Variants in CRIM1 observed in about 807,000 individuals in gnomAD.
CRIM1 encodes the protein cysteine rich transmembrane BMP regulator 1, also known as cysteine-rich motor neuron 1 protein.
CRIM1 carries 32 observed loss-of-function variants against 116.4 expected under a neutral mutation model. That is an observed-to-expected ratio of 0.27 (90% CI 0.21 to 0.37). The LOEUF (loss-of-function observed/expected upper bound fraction) is 0.37. Ranked by LOEUF, CRIM1 falls within the 10% of genes least tolerant of loss-of-function variation. The probability of loss-of-function intolerance (pLI) is 1.00; values close to 1 mark genes in which losing one functional copy is unlikely to be tolerated. For synonymous variants in CRIM1, 590 were observed against 509.2 expected (o/e 1.16, Z -2.13); for missense variants, 1,331 against 1,354.8 (o/e 0.98, Z 0.28).
At chr2:36,391,664 C>G (rs1671614282) in intron 1 of CRIM1, among the ~76,000 whole-genome samples, 1 of 152,144 alleles carries the variant, frequency 6.6e-6, no homozygotes, top group Admixed American at 6.5e-5. Context: ...AACAGCAGTT[C>G]TCAAAGTGTG....
Position 36,355,904 on chromosome 2 carries a change from CGGA to C in CRIM1, c.-381_-379del, listed in dbSNP as rs1250413943. The C allele has an allele frequency of 6.6e-6, 1 of 151,518 alleles. No individual in the cohort carries two copies. The highest frequency in any genetic ancestry group is 6.6e-5 in the Admixed American group (1 of 15,190). 9.4% of individuals were successfully genotyped at this position (151,518 alleles called of 1,614,324 possible). On this transcript the variant is annotated 5_prime_UTR_variant, in exon 1 of 17. Coordinates refer to ENST00000280527, the MANE Select transcript of CRIM1 (RefSeq NM_016441.3). ...TGCGCCGCTGCGGGGCCGGCCGACT[CGGA>C]GGAGGAGAGGGAGGAGGCGCCGCCG...
Position 36,479,591 on chromosome 2 carries a change from C to G in CRIM1, c.1269C>G (p.Phe423Leu), listed in dbSNP as rs941069110. Reference protein sequence around the residue: ...GDRWREDDCTFCQCVNGERHC... With the variant: ...GDRWREDDCTLCQCVNGERHC... The stretch of plus-strand genomic sequence containing the variant: ...GGTGGCGGGAAGACGACTGCACATT[C>G]TGCCAGTGCGTCAACGGTGAACGCC... Residue 423 changes from phenylalanine (F) to leucine (L), a missense_variant, in exon 7 of 17, where the codon TTC becomes TTG. Around this residue, in one of 3 missense-constraint regions of CRIM1, gnomAD observed 690 missense variants for 676.0 expected, o/e 1.02. Coordinates refer to ENST00000280527, the MANE Select transcript of CRIM1 (RefSeq NM_016441.3). 4.3e-6 allele frequency: 7 copies of G among 1,614,142 alleles called. No individual in the cohort carries two copies. Among genetic ancestry groups the G allele is most frequent in the African/African-American group, 2.7e-5 (2 of 74,944 alleles).
chr2:36,433,211 T>C (rs914007314), intron 2 of CRIM1, among the ~76,000 whole-genome samples: 28 of 149,090 alleles, frequency 1.9e-4, no homozygotes, highest in African/African-American at 6.6e-4. Context: ...AGGTCTAAGT[T>C]TCTGCATTTC....
chr2:36,547,624 G>A (rs927843130), intron 16 of CRIM1, among the ~76,000 whole-genome samples: 2 of 152,112 alleles, frequency 1.3e-5, no homozygotes, highest in Admixed American at 6.6e-5. Context: ...AAGGCAAAAG[G>A]AACAGGTCAG....
At chr2:36,510,282 C>A (rs995126353) in intron 9 of CRIM1, 143 bp downstream of exon 9, 120 of 749,972 alleles carry the variant, frequency 1.6e-4, no homozygotes, top group Middle Eastern at 5.8e-4. Context: ...TTAGGTGATT[C>A]AGAAAGCAGG....
intron 1 of CRIM1, among the ~76,000 whole-genome samples, chr2:36,363,176 G>A (rs1669341156): frequency 2.0e-5 from 3 of 150,630 alleles, no homozygotes; most frequent in South Asian, 4.3e-4. Flanking sequence ...CTCCAGCCTG[G>A]GCGACAAAGC....
At chr2:36,387,503 G>C (rs1671253501) in intron 1 of CRIM1, among the ~76,000 whole-genome samples, 1 of 152,156 alleles carries the variant, frequency 6.6e-6, no homozygotes, top group African/African-American at 2.4e-5. Context: ...GCACAAACAT[G>C]GAACAGGGGA....
intron 16 of CRIM1, among the ~76,000 whole-genome samples, chr2:36,547,933 T>C (rs971626329): frequency 2.0e-5 from 3 of 152,242 alleles, no homozygotes; most frequent in African/African-American, 7.2e-5. Context: ...AATTATGTAA[T>C]GTAATTTACC....
rs1301545563 is a variant in CRIM1 at position 36,549,278 on chromosome 2, C to A, written c.*577C>A. 5 of 152,740 alleles carry A rather than the reference C, an allele frequency of 3.3e-5. No homozygotes were observed. Among genetic ancestry groups the A allele is most frequent in the African/African-American group, 1.2e-4 (5 of 41,452 alleles). The allele number at this position is 152,740 out of a possible 1,614,324, so 9.5% of individuals were successfully genotyped here. On this transcript the variant is annotated 3_prime_UTR_variant, in exon 17 of 17. Transcript: ENST00000280527. The stretch of plus-strand genomic sequence containing the variant: ...TAAAGCCACAAGTTTCTTTTCTATA[C>A]AGTCACAACTGCAGTAGGCAGTGAG...
At chr2:36,403,411 T>G (rs1672561029) in intron 2 of CRIM1, among the ~76,000 whole-genome samples, 2 of 152,266 alleles carry the variant, frequency 1.3e-5, no homozygotes, top group Non-Finnish European at 2.9e-5. Context: ...TTGTTTTATA[T>G]TGAGTGGACA....
intron 14 of CRIM1, among the ~76,000 whole-genome samples, chr2:36,542,352 G>C (rs1402936841): frequency 6.6e-6 from 1 of 152,232 alleles, no homozygotes; most frequent in African/African-American, 2.4e-5. Context: ...ACCATAGACA[G>C]ATCCTTCTAA....
intron 7 of CRIM1, among the ~76,000 whole-genome samples, chr2:36,492,421 C>T (rs142955377): frequency 1.3e-3 from 196 of 152,204 alleles, no homozygotes; most frequent in African/African-American, 4.5e-3. Flanking sequence ...AGTACACATT[C>T]AGATGCTACG....
In CRIM1 at chr2:36,476,961, G is replaced by A. The variant is rs143230045; in HGVS notation, c.1064G>A (p.Arg355Gln). ...GACATGTTTCGAATGGACAACTGTC[G>A]GTTCTGTCGATGCCAAGGGGGCGTT... Reference protein sequence around the residue: ...DGDMFRMDNCRFCRCQGGVAI... With the variant: ...DGDMFRMDNCQFCRCQGGVAI... Residue 355 changes from arginine to glutamine, a missense_variant, in exon 6 of 17, where the codon CGG (arginine) becomes CAG (glutamine). Around this residue, in one of 3 missense-constraint regions of CRIM1, gnomAD observed 690 missense variants for 676.0 expected, o/e 1.02. Transcript: ENST00000280527. The A allele has an allele frequency of 6.9e-5, 111 of 1,613,904 alleles. No individual in the cohort carries two copies. Among genetic ancestry groups the A allele is most frequent in the Non-Finnish European group, 8.3e-5 (98 of 1,179,916 alleles).
chr2:36,540,446 A>C (rs1293997571), intron 14 of CRIM1, among the ~76,000 whole-genome samples: 19 of 152,330 alleles, frequency 1.2e-4, no homozygotes, highest in Admixed American at 1.2e-3. Context: ...ATTTTAAAGG[A>C]CAGATGTGCT....
At chr2:36,471,957 A>G (rs540954086) in intron 5 of CRIM1, among the ~76,000 whole-genome samples, 2 of 152,330 alleles carry the variant, frequency 1.3e-5, no homozygotes, top group African/African-American at 4.8e-5. Flanking sequence ...AGGTGTATCT[A>G]TCACCATCCA....
At chr2:36,474,847 C>CAAAAAAAAAAAAA (rs56084308) in intron 5 of CRIM1, among the ~76,000 whole-genome samples, 1,359 of 90,568 alleles carry the variant, frequency 0.015, 84 homozygotes, top group South Asian at 0.033. Context: ...GACTCTATAT[C>CAAAAAAAAAAAAA]AAAAAAAAAA....
intron 2 of CRIM1, among the ~76,000 whole-genome samples, chr2:36,427,247 A>G (rs2124884519): frequency 6.6e-6 from 1 of 152,186 alleles, no homozygotes; most frequent in African/African-American, 2.4e-5. Flanking sequence ...AAAATGGGGA[A>G]GAAATAGAGA....
intron 13 of CRIM1, among the ~76,000 whole-genome samples, chr2:36,536,314 T>TG (rs1275340327): frequency 6.6e-6 from 1 of 152,058 alleles, no homozygotes; most frequent in East Asian, 1.9e-4. Context: ...GGAAGAACCC[T>TG]GGGCCCTGGG....
At chr2:36,366,686 T>G (rs1669624940) in intron 1 of CRIM1, among the ~76,000 whole-genome samples, 1 of 152,212 alleles carries the variant, frequency 6.6e-6, no homozygotes, top group South Asian at 2.1e-4. Flanking sequence ...GAATGAAACC[T>G]GAGACTGCAG....
Sources: gnomAD v4.1 joint callset for allele counts (sites outside exome capture counted in the v4.1 genomes callset) on GRCh38, gnomAD v4.1.1 for gene constraint, gnomAD v4.1.1 regional missense constraint, MANE v1.5 for transcripts, NCBI Gene and HGNC (gene_info 2026-07-23, HGNC 2026-07-21) for gene names.